The following CCDC7 variants were observed in gnomAD, a reference collection of about 807,000 sequenced individuals.
The protein encoded by CCDC7 is coiled-coil domain containing 7, also known as coiled-coil domain-containing protein 7.
A neutral mutation model predicts 196.9 loss-of-function variants in CCDC7; 183 were observed. The observed-to-expected ratio is 0.93, with a 90% confidence interval of 0.82 to 1.05. The LOEUF is 1.05. Among genes scored for constraint, CCDC7 ranks in the 50% least tolerant of loss-of-function variants. CCDC7 has a pLI of 0.00. For synonymous variants in CCDC7, 525 were observed against 484.6 expected (o/e 1.08, Z -1.10); for missense variants, 1,540 against 1,482.2 (o/e 1.04, Z -0.64).
intron 3 of CCDC7, among the ~76,000 whole-genome samples, chr10:32,457,156 C>A (rs997385285): frequency 1.3e-5 from 2 of 152,090 alleles, no homozygotes; most frequent in East Asian, 3.9e-4. Context: ...TCACCCCTAC[C>A]CTTTCCAACC....
chr10:32,879,546 A>G (rs571656662), downstream of CCDC7, among the ~76,000 whole-genome samples: 2 of 152,176 alleles, frequency 1.3e-5, no homozygotes, highest in Non-Finnish European at 2.9e-5. Flanking sequence ...CAAACACACA[A>G]ACATCAAACA....
intron 28 of CCDC7, among the ~76,000 whole-genome samples, chr10:32,775,876 C>A (rs1157210083): frequency 6.6e-6 from 1 of 150,880 alleles, no homozygotes; most frequent in African/African-American, 2.4e-5. Context: ...GACTTGGAAC[C>A]AACCCAAATG....
At chr10:32,472,375 C>A in intron 6 of CCDC7, 106 bp from the exon 8 acceptor site, 1 of 1,016,504 alleles carries the variant, frequency 9.8e-7, no homozygotes, top group Non-Finnish European at 1.3e-6. Flanking sequence ...AATTTTTATT[C>A]TACAAACTTC....
intron 18 of CCDC7, among the ~76,000 whole-genome samples, chr10:32,613,673 C>T (rs1454406528): frequency 6.6e-6 from 1 of 152,190 alleles, no homozygotes; most frequent in African/African-American, 2.4e-5. Flanking sequence ...GTTATTTACA[C>T]AGTAGTCATA....
intron 21 of CCDC7, among the ~76,000 whole-genome samples, chr10:32,681,737 A>G (rs1285782900): frequency 1.1e-4 from 13 of 115,634 alleles, no homozygotes; most frequent in African/African-American, 4.3e-4. Context: ...ATTTATATGT[A>G]TACACACACA....
chr10:32,445,797 A>G (rs964646471), upstream of CCDC7, among the ~76,000 whole-genome samples: 3 of 152,176 alleles, frequency 2.0e-5, no homozygotes, highest in Non-Finnish European at 4.4e-5. Flanking sequence ...CACTGAAAAG[A>G]GCTTGAGGAG....
At chr10:32,529,263 G>A (rs2135828745) in intron 11 of CCDC7, among the ~76,000 whole-genome samples, 1 of 152,180 alleles carries the variant, frequency 6.6e-6, no homozygotes, top group East Asian at 1.9e-4. Flanking sequence ...CTTGTGATCT[G>A]CCTGCCTCAG....
intron 28 of CCDC7, among the ~76,000 whole-genome samples, chr10:32,762,818 T>C (rs1434293017): frequency 1.3e-5 from 2 of 151,694 alleles, no homozygotes; most frequent in East Asian, 3.9e-4. Context: ...AAACGCAAAA[T>C]AATGAAACTG....
chr10:32,470,826 AACAG>A (rs532700089), intron 5 of CCDC7, among the ~76,000 whole-genome samples: 170 of 152,280 alleles, frequency 1.1e-3, no homozygotes, highest in African/African-American at 3.9e-3. Flanking sequence ...TAAAGCAATA[AACAG>A]ACAGTTAGAT....
chr10:32,720,135 A>T (rs999954743), intron 25 of CCDC7, among the ~76,000 whole-genome samples: 34 of 152,198 alleles, frequency 2.2e-4, no homozygotes, highest in Admixed American at 6.5e-5. Context: ...AAGACTTGGA[A>T]CCAACCCAAA....
At chr10:32,451,985 C>T in intron 1 of CCDC7, 64 bp downstream of exon 2, 1 of 1,511,364 alleles carries the variant, frequency 6.6e-7, no homozygotes, top group Non-Finnish European at 8.8e-7. Context: ...TAGTGATGTG[C>T]TAGGAGGACT....
In CCDC7 at chr10:32,688,171, G is replaced by A. The variant is rs150873139; in HGVS notation, c.2234-882G>A. ...ACACACTATACACGGTGCCACTGTC[G>A]CACACTATCTTAACACGCTTACCTC... On this transcript the variant is annotated intron_variant, in intron 22 of 41. Transcript: ENST00000639629. 4.9e-4 allele frequency among the ~76,000 whole-genome samples: 74 copies of A among 152,088 alleles called. No individual in the cohort carries two copies. The East Asian group carries it at 6.0e-3, about 12-fold the overall frequency.
chr10:32,471,292 T>C, intron 6 of CCDC7, 62 bp downstream of exon 7: 3 of 1,546,670 alleles, frequency 1.9e-6, no homozygotes, highest in Non-Finnish European at 2.6e-6. Context: ...TAATTAGCAC[T>C]GAATGTAAGA....
chr10:32,459,921 A>G (rs187794254), intron 3 of CCDC7, among the ~76,000 whole-genome samples: 1 of 152,228 alleles, frequency 6.6e-6, no homozygotes, highest in African/African-American at 2.4e-5. Flanking sequence ...AGTCTCAGAT[A>G]TTGACCCTTT....
chr10:32,646,425 A>C (rs2067780258), intron 20 of CCDC7, among the ~76,000 whole-genome samples: 1 of 152,126 alleles, frequency 6.6e-6, no homozygotes, highest in African/African-American at 2.4e-5. Context: ...AAATTGTTAA[A>C]ACTTGTTTTG....
At chr10:32,779,221 A>G in intron 29 of CCDC7, 137 bp downstream of exon 30, 1 of 596,388 alleles carries the variant, frequency 1.7e-6, no homozygotes, top group Non-Finnish European at 2.8e-6. Context: ...CTACTCAATC[A>G]ATCTACATGT....
intron 18 of CCDC7, among the ~76,000 whole-genome samples, chr10:32,594,832 G>T (rs1224040355): frequency 6.6e-6 from 1 of 152,174 alleles, no homozygotes; most frequent in African/African-American, 2.4e-5. Context: ...CATTGGTTCT[G>T]TTTATATGAT....
chr10:32,760,519 C>G (rs1330871941), intron 28 of CCDC7, among the ~76,000 whole-genome samples: 2 of 152,098 alleles, frequency 1.3e-5, no homozygotes, highest in African/African-American at 4.8e-5. Flanking sequence ...ACCGCATATT[C>G]TCACTCATAG....
At chr10:32,555,930 C>T (rs1157386652) in intron 13 of CCDC7, among the ~76,000 whole-genome samples, 1 of 152,176 alleles carries the variant, frequency 6.6e-6, no homozygotes. Context: ...AGTCTCTTAT[C>T]TTCCAGGATG....
Sources: gnomAD v4.1 joint callset for allele counts (sites outside exome capture counted in the v4.1 genomes callset) on GRCh38, gnomAD v4.1.1 for gene constraint, MANE v1.5 for transcripts, NCBI Gene and HGNC (gene_info 2026-07-23, HGNC 2026-07-21) for gene names.